Variants in PPP4R3B observed in about 807,000 individuals in gnomAD.
PPP4R3B encodes protein phosphatase 4 regulatory subunit 3B, also known as serine/threonine-protein phosphatase 4 regulatory subunit 3B.
PPP4R3B carries 52 observed loss-of-function variants against 95.4 expected under a neutral mutation model. The observed-to-expected ratio is 0.54, with a 90% CI of 0.44 to 0.69. The LOEUF is 0.69. PPP4R3B is among the 30% of genes least tolerant of loss of function. The probability of loss-of-function intolerance (pLI) is 0.00; values close to 1 mark genes in which losing one functional copy is unlikely to be tolerated. For synonymous variants in PPP4R3B, 407 were observed against 343.9 expected (o/e 1.18, Z -2.03); for missense variants, 1,003 against 1,005.9 (o/e 1.00, Z 0.04).
chr2:55,579,805 A>G, intron 8 of PPP4R3B, 24 bp from the exon 9 acceptor site: 2 of 1,438,508 alleles, frequency 1.4e-6, no homozygotes, highest in Non-Finnish European at 1.9e-6. Context: ...TTTTTTAAAC[A>G]ATACTGTTAC....
intron 16 of PPP4R3B, among the ~76,000 whole-genome samples, chr2:55,550,334 A>C (rs1398688610): frequency 6.6e-6 from 1 of 152,194 alleles, no homozygotes; most frequent in Non-Finnish European, 1.5e-5. Context: ...GCTGGAAAGG[A>C]CATTGGAGAT....
chr2:55,567,127 G>A (rs1687413607), intron 13 of PPP4R3B, among the ~76,000 whole-genome samples: 1 of 152,198 alleles, frequency 6.6e-6, no homozygotes, highest in Non-Finnish European at 1.5e-5. Context: ...TGGTTCTACA[G>A]TTATCTGTTG....
At chr2:55,570,648 A>G (rs1019098817) in intron 12 of PPP4R3B, among the ~76,000 whole-genome samples, 3 of 152,220 alleles carry the variant, frequency 2.0e-5, no homozygotes, top group Non-Finnish European at 2.9e-5. Flanking sequence ...TTCTGATTTT[A>G]TAAGTCATTT....
intron 2 of PPP4R3B, among the ~76,000 whole-genome samples, chr2:55,613,984 A>T (rs1445160744): frequency 6.6e-6 from 1 of 152,164 alleles, no homozygotes; most frequent in Non-Finnish European, 1.5e-5. Context: ...AAGGTATAGG[A>T]AACATCTTCA....
intron 7 of PPP4R3B, 118 bp from the exon 8 acceptor site, chr2:55,581,816 G>A: frequency 9.4e-7 from 1 of 1,060,412 alleles, no homozygotes; most frequent in Non-Finnish European, 1.3e-6. Context: ...ACGAAGAATG[G>A]AATAGCTTAT....
chr2:55,560,847 T>C (rs780586987), intron 15 of PPP4R3B, among the ~76,000 whole-genome samples: 5 of 143,950 alleles, frequency 3.5e-5, no homozygotes, highest in Non-Finnish European at 7.5e-5. Context: ...CGTATGCTCA[T>C]ATGCATGAAG....
intron 15 of PPP4R3B, among the ~76,000 whole-genome samples, chr2:55,560,719 G>A (rs1686482292): frequency 7.1e-6 from 1 of 141,598 alleles, no homozygotes. Context: ...AGAGGTTGCA[G>A]TGAGCTGAGA....
chr2:55,614,763 G>T (rs1694667424), intron 2 of PPP4R3B: 1 of 152,140 alleles, frequency 6.6e-6, no homozygotes, highest in Admixed American at 6.5e-5. Context: ...ATCTGGTGGT[G>T]TTACAGTAGA....
chr2:55,566,507 A>G (rs1405782365), intron 13 of PPP4R3B, among the ~76,000 whole-genome samples: 1 of 152,220 alleles, frequency 6.6e-6, no homozygotes, highest in Non-Finnish European at 1.5e-5. Context: ...CTAGTGAGCT[A>G]GTTAACCATG....
chr2:55,563,690 T>G (rs528998624), intron 15 of PPP4R3B, among the ~76,000 whole-genome samples: 101 of 152,270 alleles, frequency 6.6e-4, no homozygotes, highest in African/African-American at 2.3e-3. Context: ...AAATTTTAAT[T>G]AAATATTTAA....
At chr2:55,588,452 G>A (rs1427401613) in intron 5 of PPP4R3B, among the ~76,000 whole-genome samples, 1 of 151,274 alleles carries the variant, frequency 6.6e-6, no homozygotes, top group East Asian at 1.9e-4. Flanking sequence ...GGCAGAGGTT[G>A]TGGTGAGCCG....
intron 12 of PPP4R3B, among the ~76,000 whole-genome samples, chr2:55,569,578 CTT>C (rs1687731415): frequency 6.6e-6 from 1 of 152,192 alleles, no homozygotes; most frequent in Non-Finnish European, 1.5e-5. Flanking sequence ...ATCTCTCTCT[CTT>C]TCTCCTCTCT....
chr2:55,578,283 G>A lies in PPP4R3B; in HGVS notation c.1528C>T (p.His510Tyr), dbSNP rs1688961215. The change falls in exon 10 of 17, where the codon CAT becomes TAT. Residue 510 changes from histidine (H) to tyrosine (Y), a missense_variant. Around this residue, in one of 3 missense-constraint regions of PPP4R3B, gnomAD observed 695 missense variants for 686.2 expected, o/e 1.01. Transcript: ENST00000616407. The stretch of plus-strand genomic sequence containing the variant: ...GAGGAAGAGGGGGTAGAATGGGAAT[G>A]GGAATGTGAAGGGGTACATATGAAA... ...WSFICTPSHS[H>Y]SHSTPSSSIS... 1 of 1,482,186 alleles carries A rather than the reference G, an allele frequency of 6.7e-7. No individual in the cohort carries two copies. Among genetic ancestry groups the A allele is most frequent in the Non-Finnish European group, 9.0e-7 (1 of 1,113,842 alleles). The allele number at this position is 1,482,186 out of a possible 1,614,324, so 91.8% of individuals were successfully genotyped here. A position where few individuals can be genotyped will look rare whatever the true frequency, so the allele number is the denominator to read the frequency against.
At chr2:55,566,892 A>G (rs553398695) in intron 13 of PPP4R3B, among the ~76,000 whole-genome samples, 15 of 152,240 alleles carry the variant, frequency 9.9e-5, no homozygotes, top group African/African-American at 3.4e-4. Flanking sequence ...TGTAGTTCCA[A>G]TTACTCAGGA....
intron 2 of PPP4R3B, among the ~76,000 whole-genome samples, chr2:55,612,354 G>C (rs1694281734): frequency 6.6e-6 from 1 of 152,146 alleles, no homozygotes; most frequent in African/African-American, 2.4e-5. Context: ...CTTTTACAAA[G>C]GATAATTCTA....
At chr2:55,577,104 A>G (rs1445885404) in intron 11 of PPP4R3B, among the ~76,000 whole-genome samples, 1 of 152,200 alleles carries the variant, frequency 6.6e-6, no homozygotes, top group Non-Finnish European at 1.5e-5. Context: ...ATCAGAAAAC[A>G]AGCTATAAAT....
At chr2:55,601,493 G>A (rs2586967) in intron 3 of PPP4R3B, among the ~76,000 whole-genome samples, 2,548 of 151,664 alleles carry the variant, frequency 0.017, 34 homozygotes, top group Middle Eastern at 0.024. Context: ...CCATTCTCCT[G>A]CCTCAGCCTC....
At chr2:55,552,742 G>C (rs2103763263) in intron 16 of PPP4R3B, among the ~76,000 whole-genome samples, 1 of 152,126 alleles carries the variant, frequency 6.6e-6, no homozygotes, top group African/African-American at 2.4e-5. Context: ...AGGGTATTTA[G>C]GTAAGAAATT....
At chr2:55,588,447 A>G (rs1391493853) in intron 5 of PPP4R3B, among the ~76,000 whole-genome samples, 3 of 149,364 alleles carry the variant, frequency 2.0e-5, no homozygotes, top group Admixed American at 6.8e-5. Context: ...TGGGAGGCAG[A>G]GGTTGTGGTG....
Sources: gnomAD v4.1 joint callset for allele counts (sites outside exome capture counted in the v4.1 genomes callset) on GRCh38, gnomAD v4.1.1 for gene constraint, gnomAD v4.1.1 regional missense constraint, MANE v1.5 for transcripts, NCBI Gene and HGNC (gene_info 2026-07-23, HGNC 2026-07-21) for gene names.